The following TOR1AIP2 variants were observed in gnomAD, a reference collection of about 807,000 sequenced individuals.
TOR1AIP2 encodes the protein torsin-1A-interacting protein 2.
Under a neutral mutation model 32.6 loss-of-function variants are expected in TOR1AIP2, and 20 were observed. The ratio of observed to expected loss-of-function variants is 0.61; its 90% CI spans 0.43 to 0.89. The LOEUF is 0.89. Ranked by LOEUF, TOR1AIP2 falls within the 40% of genes least tolerant of loss-of-function variation. The pLI is 0.00. For synonymous variants in TOR1AIP2, 214 were observed against 210.8 expected (o/e 1.02, Z -0.13); for missense variants, 456 against 553.8 (o/e 0.82, Z 1.77).
At chr1:179,859,797 C>A in intron 3 of TOR1AIP2, 1 of 985,426 alleles carries the variant, frequency 1.0e-6, no homozygotes, top group Non-Finnish European at 1.2e-6. Flanking sequence ...CCAAACCAAT[C>A]CTGTCCTTCA....
At chr1:179,864,412 A>G (rs1380358574) in intron 3 of TOR1AIP2, 6 of 996,012 alleles carry the variant, frequency 6.0e-6, no homozygotes, top group Non-Finnish European at 6.0e-6. Context: ...AGTTATCATT[A>G]GAAATACCAC....
chr1:179,851,009 G>A lies in TOR1AIP2; in HGVS notation c.389C>T (p.Ala130Val). 1.2e-6 allele frequency: 2 copies of A among 1,614,184 alleles called. No individual in the cohort carries two copies. Among genetic ancestry groups the A allele is most frequent in the African/African-American group, 1.3e-5 (1 of 75,048 alleles). Residue 130 changes from alanine (A) to valine (V), a missense_variant, in exon 5 of 7, where the codon GCA becomes GTA. Coordinates refer to ENST00000609928, the MANE Select transcript of TOR1AIP2 (RefSeq NM_001199260.2). The part of the protein sequence containing the change: ...SPSDKVGRAD[A>V]HLGSSSVALP... ...GGCCACAGAGCTGCTCCCTAAGTGT[G>A]CATCTGCTCTTCCTACCTTGTCACT... is the stretch of plus-strand genomic sequence containing the variant.
intron 2 of TOR1AIP2, among the ~76,000 whole-genome samples, chr1:179,869,863 T>A (rs1285136397): frequency 6.6e-6 from 1 of 152,238 alleles, no homozygotes; most frequent in Non-Finnish European, 1.5e-5. Flanking sequence ...TATTAAACAG[T>A]ATACAGTAAC....
intron 3 of TOR1AIP2, among the ~76,000 whole-genome samples, chr1:179,857,932 T>C (rs927551617): frequency 3.9e-5 from 6 of 152,128 alleles, no homozygotes; most frequent in Non-Finnish European, 8.8e-5. Flanking sequence ...GGCAGGAGGA[T>C]TGCTTGAGTC....
In TOR1AIP2 at chr1:179,844,285, C is replaced by T. The variant is rs1695820567; in HGVS notation, c.*1786G>A. 1 of 152,194 alleles carries T rather than the reference C, an allele frequency of 6.6e-6. No individual in the cohort carries two copies. Among genetic ancestry groups the T allele is most frequent in the African/African-American group, 2.4e-5 (1 of 41,442 alleles). 9.4% of individuals were successfully genotyped at this position (152,194 alleles called of 1,614,324 possible). On this transcript the variant is annotated 3_prime_UTR_variant, in exon 7 of 7. Coordinates refer to ENST00000609928, the MANE Select transcript of TOR1AIP2 (RefSeq NM_001199260.2). The stretch of plus-strand genomic sequence containing the variant: ...ATCTCTTGGAAGCTTCCTTCGAAGT[C>T]CCAAATGCAAATTCTTCCTTCAGGT...
rs183642381 is a variant in TOR1AIP2, at chr1:179,862,443, T to C, written c.-147+2993A>G. ...TAAACTAACTAGTCTTCAGTCAATT[T>C]AGCAGTTCACATAGTTTATTCAGCA... On this transcript the variant is annotated intron_variant, in intron 3 of 6. Transcript: ENST00000609928. The C allele has an allele frequency of 1.8e-4, 174 of 985,422 alleles. 1 individual carries two copies. In the African/African-American group the frequency reaches 2.9e-3, roughly 16 times the overall value. 61.0% of individuals were successfully genotyped at this position (985,422 alleles called of 1,614,324 possible). A position where few individuals can be genotyped will look rare whatever the true frequency, so the allele number is the denominator to read the frequency against.
intron 2 of TOR1AIP2, chr1:179,867,525 TA>T (rs1156707901): frequency 6.6e-5 from 10 of 152,322 alleles, no homozygotes; most frequent in Admixed American, 5.9e-4. Context: ...ACACAAAAGA[TA>T]AAAAATTAAA....
chr1:179,858,028 C>T (rs944958148), intron 3 of TOR1AIP2, among the ~76,000 whole-genome samples: 10 of 151,684 alleles, frequency 6.6e-5, no homozygotes, highest in Non-Finnish European at 1.3e-4. Context: ...TGGTGTCACA[C>T]GCCTGTAATC....
At chr1:179,863,377 G>C (rs1034888228) in intron 3 of TOR1AIP2, 5 of 985,294 alleles carry the variant, frequency 5.1e-6, no homozygotes, top group Non-Finnish European at 6.0e-6. Flanking sequence ...AAATTTGCTA[G>C]GGATTTTTGG....
At chr1:179,863,117 T>C (rs1696616078) in intron 3 of TOR1AIP2, 1 of 363,694 alleles carries the variant, frequency 2.7e-6, no homozygotes, top group Admixed American at 6.8e-5. Flanking sequence ...TCCCAGCTAC[T>C]CGGGAGGCTG....
At chr1:179,847,717 A>G (rs890061248) in intron 5 of TOR1AIP2, 81 bp from the exon 6 acceptor site, 3 of 978,268 alleles carry the variant, frequency 3.1e-6, no homozygotes, top group Non-Finnish European at 4.9e-6. Flanking sequence ...TCACCAAACC[A>G]AAGAATGATT....
chr1:179,868,221 C>T (rs997548432), intron 2 of TOR1AIP2: 7 of 152,172 alleles, frequency 4.6e-5, no homozygotes, highest in African/African-American at 1.7e-4. Flanking sequence ...CCCCATATGG[C>T]TCTATCAGCA....
In TOR1AIP2 at chr1:179,851,057, T is replaced by A; in HGVS notation, c.341A>T (p.Asp114Val). ...ACTTGGAGAATGGCTGGGATCTGGA[T>A]CCAAGGGTTCTTTACCCAGATTTTC... ...PSENLGKEPL[D>V]PDPSHSPSDK... The change falls in exon 5 of 7, where the codon GAT (aspartate) becomes GTT (valine). Residue 114 changes from aspartate to valine, a missense_variant. Asp to Val is a radical substitution (Grantham distance 152). Transcript: ENST00000609928. 6.2e-7 allele frequency: 1 copy of A among 1,614,246 alleles called. No homozygotes were observed. The highest frequency in any genetic ancestry group is 2.2e-5 in the East Asian group (1 of 44,886).
intron 5 of TOR1AIP2, among the ~76,000 whole-genome samples, chr1:179,848,082 T>C (rs1276730975): frequency 6.6e-6 from 1 of 152,132 alleles, no homozygotes; most frequent in Non-Finnish European, 1.5e-5. Flanking sequence ...TGTCTTTTCT[T>C]TAAGACTATT....
At chr1:179,847,025 A>G (rs561078011) in intron 6 of TOR1AIP2, among the ~76,000 whole-genome samples, 197 bp from the exon 7 acceptor site, 2 of 152,346 alleles carry the variant, frequency 1.3e-5, no homozygotes. Flanking sequence ...AATTATTTGA[A>G]GATATATCTG....
At position 179,846,583 on chromosome 1, in the gene TOR1AIP2, C is replaced by G; in HGVS notation, c.901G>C (p.Ala301Pro). Reference sequence around the variant, plus strand: ...TTCAGGGTCTCTCTTCCCTCCCGAGCTGCTGTAAATATGATGGTGGCTGGC... The same window carrying G: ...TTCAGGGTCTCTCTTCCCTCCCGAGGTGCTGTAAATATGATGGTGGCTGGC... ...TEPATIIFTAAREGRETLKCL... is the reference protein window; with the variant it reads ...TEPATIIFTAPREGRETLKCL... Residue 301 changes from alanine (A) to proline (P), a missense_variant, in exon 7 of 7, where the codon GCT becomes CCT. Physicochemically the swap from Ala to Pro is conservative, Grantham distance 27. Transcript: ENST00000609928. 1 of 1,614,178 alleles carries G rather than the reference C, an allele frequency of 6.2e-7. No individual in the cohort carries two copies. The highest frequency in any genetic ancestry group is 8.5e-7 in the Non-Finnish European group (1 of 1,180,030).
At chr1:179,857,139 T>A (rs1257349856) in intron 3 of TOR1AIP2, among the ~76,000 whole-genome samples, 1 of 152,260 alleles carries the variant, frequency 6.6e-6, no homozygotes. Context: ...GTGTGCTTCA[T>A]ATGGCAACAA....
intron 3 of TOR1AIP2, chr1:179,863,562 C>T: frequency 1.0e-6 from 1 of 984,660 alleles, no homozygotes; most frequent in Non-Finnish European, 1.2e-6. Context: ...GGTAGGGTGG[C>T]TCACGCCTGT....
At chr1:179,850,370 A>C (rs965215882) in intron 5 of TOR1AIP2, among the ~76,000 whole-genome samples, 4 of 152,238 alleles carry the variant, frequency 2.6e-5, no homozygotes, top group Admixed American at 6.5e-5. Context: ...TGTCTTACTC[A>C]AAGTCCTATA....
Sources: gnomAD v4.1 joint callset for allele counts (sites outside exome capture counted in the v4.1 genomes callset) on GRCh38, gnomAD v4.1.1 for gene constraint, MANE v1.5 for transcripts, NCBI Gene and HGNC (gene_info 2026-07-23, HGNC 2026-07-21) for gene names.